The following DRC3 variants were observed in gnomAD, a reference collection of about 807,000 sequenced individuals.
The protein encoded by DRC3 is dynein regulatory complex subunit 3, also known as leucine rich repeat containing 48.
Under a neutral mutation model 57.6 loss-of-function variants are expected in DRC3, and 45 were observed. The observed-to-expected ratio is 0.78, with a 90% CI of 0.62 to 1.00. DRC3 has a LOEUF of 1.00. Ranked by LOEUF, DRC3 falls within the 50% of genes least tolerant of loss-of-function variation. The probability of loss-of-function intolerance (pLI) is 0.00; values close to 1 mark genes in which losing one functional copy is unlikely to be tolerated. For missense variants in DRC3, 655 were observed against 675.2 expected, an observed-to-expected ratio of 0.97 and a Z score of 0.33; for synonymous variants, 257 against 272.3, an observed-to-expected ratio of 0.94 and a Z score of 0.55.
At chr17:17,980,290 T>A (rs2145212146) in intron 3 of DRC3, among the ~76,000 whole-genome samples, 1 of 152,098 alleles carries the variant, frequency 6.6e-6, no homozygotes, top group Admixed American at 6.5e-5. Flanking sequence ...TTGTTGTTTT[T>A]TTTTTTGTAG....
intron 12 of DRC3, chr17:18,007,349 C>A: frequency 6.5e-7 from 1 of 1,531,850 alleles, no homozygotes; most frequent in South Asian, 1.2e-5. Flanking sequence ...CAGTGGGGCC[C>A]AGTTAAAGAG....
At chr17:17,981,312 C>A in intron 3 of DRC3, 1 of 254,902 alleles carries the variant, frequency 3.9e-6, no homozygotes. Flanking sequence ...CCTCCAGCAC[C>A]CTATCCCTGC....
chr17:18,006,689 C>G, intron 11 of DRC3: 1 of 375,594 alleles, frequency 2.7e-6, no homozygotes, highest in Non-Finnish European at 5.0e-6. Flanking sequence ...TGGTCCTGCC[C>G]TCCTGGGGCT....
intron 4 of DRC3, among the ~76,000 whole-genome samples, chr17:17,987,530 C>T (rs2043018308): frequency 6.6e-6 from 1 of 152,170 alleles, no homozygotes; most frequent in Non-Finnish European, 1.5e-5. Flanking sequence ...CTGGTAAATG[C>T]AAAGCACACA....
chr17:18,016,063 G>A lies in DRC3; in HGVS notation c.1327-1G>A. On this transcript the variant is annotated splice_acceptor_variant, in intron 12 of 13. Coordinates refer to ENST00000399187, the MANE Select transcript of DRC3 (RefSeq NM_031294.4). LOFTEE classifies it high-confidence loss of function. Reference sequence around the variant, plus strand: ...CTCATTGGATTCTTTTCACTCACCAGCTTTTTGTCGATAAAGATACGATTG... The same window carrying A: ...CTCATTGGATTCTTTTCACTCACCAACTTTTTGTCGATAAAGATACGATTG... The A allele has an allele frequency of 6.2e-7, 1 of 1,613,296 alleles. No homozygotes were observed. Among genetic ancestry groups the A allele is most frequent in the Non-Finnish European group, 8.5e-7 (1 of 1,179,322 alleles).
intron 5 of DRC3, among the ~76,000 whole-genome samples, chr17:17,990,714 G>A (rs748009204): frequency 5.9e-5 from 9 of 152,292 alleles, no homozygotes; most frequent in Non-Finnish European, 7.3e-5. Context: ...ACATTTGGCC[G>A]GGCCCGGTGG....
chr17:18,010,906 G>T, intron 12 of DRC3: 1 of 283,648 alleles, frequency 3.5e-6, no homozygotes, highest in Non-Finnish European at 7.0e-6. Context: ...TGAGATCATT[G>T]ACTTTTTCCT....
chr17:18,009,701 G>C (rs1056308787), intron 12 of DRC3, among the ~76,000 whole-genome samples: 8 of 152,066 alleles, frequency 5.3e-5, no homozygotes, highest in African/African-American at 1.9e-4. Context: ...GGGATGTTCA[G>C]AGGAGGGACT....
Position 17,983,916 on chromosome 17 carries a change from G to A in DRC3, c.249G>A (p.Leu83=). The change falls in exon 4 of 14, where the codon CTG becomes CTA. Residue 83 remains leucine (L), a synonymous_variant. Coordinates refer to ENST00000399187, the MANE Select transcript of DRC3 (RefSeq NM_031294.4). The part of the protein sequence containing the change: ...DNNIIEKIEG[L]ENLAHLVWLD... The stretch of plus-strand genomic sequence containing the variant: ...ACATCATTGAGAAGATCGAGGGCCT[G>A]GAGAACCTCGCACACCTGGTCTGGC... 6.2e-7 allele frequency: 1 copy of A among 1,613,002 alleles called. No individual in the cohort carries two copies. Among genetic ancestry groups the A allele is most frequent in the African/African-American group, 1.3e-5 (1 of 75,016 alleles).
chr17:17,980,635 G>A (rs1299964829), intron 3 of DRC3, among the ~76,000 whole-genome samples: 5 of 134,732 alleles, frequency 3.7e-5, no homozygotes, highest in African/African-American at 8.6e-5. Flanking sequence ...TCACTCTGTC[G>A]CCAGGCTAGA....
At chr17:18,016,432 G>A (rs1298239595) in intron 13 of DRC3, 126 bp from the exon 14 acceptor site, 5 of 800,430 alleles carry the variant, frequency 6.2e-6, no homozygotes, top group Admixed American at 2.7e-5. Context: ...AACCTGGGGA[G>A]GCGCTGAAGC....
chr17:18,016,001 GCTCC>G, intron 12 of DRC3, 59 bp from the exon 13 acceptor site: 1 of 1,578,544 alleles, frequency 6.3e-7, no homozygotes, highest in Non-Finnish European at 8.7e-7. Context: ...TCTCTGTTCA[GCTCC>G]CTTTGTGTTC....
Position 17,992,900 on chromosome 17 carries a change from G to A in DRC3, c.580G>A (p.Asp194Asn). Residue 194 changes from aspartate (D) to asparagine (N), a missense_variant, in exon 6 of 14, where the codon GAT becomes AAT. By Grantham distance (23) the Asp-to-Asn change is conservative. Coordinates refer to ENST00000399187, the MANE Select transcript of DRC3 (RefSeq NM_031294.4). ...DLMYLDYRRI[D>N]DHTKKLAEAK... ...CATGTACCTGGACTACCGGCGCATT[G>A]ATGACCACACAGCAAGTGTCTCCCT... 6.2e-7 allele frequency: 1 copy of A among 1,613,940 alleles called. No individual in the cohort carries two copies. Among genetic ancestry groups the A allele is most frequent in the Non-Finnish European group, 8.5e-7 (1 of 1,179,866 alleles).
At chr17:18,015,830 T>C (rs2044340528) in intron 12 of DRC3, 2 of 473,954 alleles carry the variant, frequency 4.2e-6, no homozygotes, top group Admixed American at 6.8e-5. Flanking sequence ...GACTGCAAAG[T>C]AACACCCTGG....
chr17:17,974,559 C>T (rs1477030470), intron 2 of DRC3, among the ~76,000 whole-genome samples: 1 of 152,118 alleles, frequency 6.6e-6, no homozygotes, highest in Non-Finnish European at 1.5e-5. Flanking sequence ...CTTATTAAGC[C>T]CTAGGTGCTT....
At chr17:17,990,495 G>T (rs1481430121) in intron 5 of DRC3, among the ~76,000 whole-genome samples, 1 of 152,220 alleles carries the variant, frequency 6.6e-6, no homozygotes, top group Non-Finnish European at 1.5e-5. Context: ...TGGGGCCCTT[G>T]CCTGTGCTGT....
rs369869656 is a variant in DRC3, at chr17:17,994,285, C to T, written c.592-14C>T. 34 of 1,550,988 alleles carry T rather than the reference C, an allele frequency of 2.2e-5. No homozygotes were observed. The highest frequency in any genetic ancestry group is 5.5e-5 in the African/African-American group (4 of 73,032). ...GAACCTCTGGTAACAATGCCACTCC[C>T]GTTCCCTGGTCAGAAAAAGCTTGCG... On this transcript the variant is annotated splice_polypyrimidine_tract_variant and intron_variant, in intron 6 of 13. Coordinates refer to ENST00000399187, the MANE Select transcript of DRC3 (RefSeq NM_031294.4).
intron 4 of DRC3, among the ~76,000 whole-genome samples, chr17:17,985,797 G>C (rs530535309): frequency 6.6e-6 from 1 of 152,282 alleles, no homozygotes; most frequent in African/African-American, 2.4e-5. Flanking sequence ...CCCAAGAACA[G>C]AACCCAGTGG....
chr17:17,987,908 C>G, intron 4 of DRC3, 24 bp from the exon 5 acceptor site: 1 of 1,611,072 alleles, frequency 6.2e-7, no homozygotes, highest in East Asian at 2.2e-5. Flanking sequence ...GCAGCAGACC[C>G]TCACAGCCCT....
Sources: allele counts gnomAD v4.1 joint callset (sites outside exome capture counted in the v4.1 genomes callset), GRCh38; gene constraint gnomAD v4.1.1; transcripts MANE v1.5; gene names NCBI Gene and HGNC (gene_info 2026-07-23, HGNC 2026-07-21).